Variants in COL6A2 observed in about 807,000 individuals in gnomAD.
COL6A2 encodes collagen type VI alpha 2 chain, also known as collagen alpha-2(VI) chain.
Under a neutral mutation model 124.9 loss-of-function variants are expected in COL6A2, and 90 were observed. That is an observed-to-expected ratio of 0.72 (90% CI 0.61 to 0.86). The LOEUF is 0.86. Ranked by LOEUF, COL6A2 falls within the 40% of genes least tolerant of loss-of-function variation. The pLI is 0.00. For missense variants in COL6A2, 1,607 were observed against 1,502.5 expected (o/e 1.07, Z -1.15); for synonymous variants, 793 against 618.2 (o/e 1.28, Z -4.19).
At chr21:46,112,647 C>T (rs1302643054) in intron 3 of COL6A2, 70 bp downstream of exon 3, 1 of 1,592,690 alleles carries the variant, frequency 6.3e-7, no homozygotes, top group Admixed American at 1.7e-5. Flanking sequence ...CCACTCCGGG[C>T]CTCACTTTAC....
At chr21:46,107,952 T>C (rs2078352467) in intron 1 of COL6A2, among the ~76,000 whole-genome samples, 1 of 152,226 alleles carries the variant, frequency 6.6e-6, no homozygotes, top group African/African-American at 2.4e-5. Context: ...TGGCCACTCA[T>C]ATTTGGCTCA....
rs560146338 is a variant in COL6A2 at position 46,125,880 on chromosome 21, G to A, written c.2065G>A (p.Glu689Lys). The A allele has an allele frequency of 1.8e-5, 29 of 1,613,140 alleles. No homozygotes were observed. In the South Asian group the frequency reaches 2.2e-4, roughly 12 times the overall value. Reference protein sequence around the residue: ...ERIDSLSSFKEAVKNLEWIAG... With the variant: ...ERIDSLSSFKKAVKNLEWIAG... ...TATCGACTCCCTGTCGAGCTTCAAG[G>A]AGGCTGTCAAGAACCTCGAGTGGAT... Residue 689 changes from glutamate (E) to lysine (K), a missense_variant, in exon 26 of 28, where the codon GAG becomes AAG. Physicochemically the swap from Glu to Lys is moderately conservative, Grantham distance 56. Around this residue, in one of 3 missense-constraint regions of COL6A2, gnomAD observed 1,223 missense variants for 1,052.2 expected, o/e 1.16. Coordinates refer to ENST00000300527, the MANE Select transcript of COL6A2 (RefSeq NM_001849.4).
In COL6A2 at chr21:46,132,192, C is replaced by T. The variant is rs1261221068; in HGVS notation, c.2700C>T (p.Ala900=). 6.3e-7 allele frequency: 1 copy of T among 1,577,622 alleles called. No individual in the cohort carries two copies. The highest frequency in any genetic ancestry group is 8.6e-7 in the Non-Finnish European group (1 of 1,162,946). Residue 900 remains alanine, a synonymous_variant, in exon 28 of 28, where the codon GCC becomes GCT. Coordinates refer to ENST00000300527, the MANE Select transcript of COL6A2 (RefSeq NM_001849.4). The part of the protein sequence containing the change: ...VAFPLSHNLT[A]IHEALETTQY... ...TCCCGCTGAGCCACAACCTCACGGC[C>T]ATCCACGAGGCGCTGGAGACCACAC...
Position 46,122,908 on chromosome 21 carries a change from C to A in COL6A2, c.1642C>A (p.Pro548Thr), listed in dbSNP as rs768102862. The A allele has an allele frequency of 6.2e-6, 10 of 1,613,160 alleles. No individual in the cohort carries two copies. The African/African-American group carries it at 9.3e-5, about 15-fold the overall frequency. ...GRGDFGLKGEPGRKGEKGEPA... is the reference protein window; with the variant it reads ...GRGDFGLKGETGRKGEKGEPA... ...AGGCGACTTTGGCTTGAAAGGAGAA[C>A]CTGGGAGGAAAGGAGAGAAAGGAGA... Residue 548 changes from proline (P) to threonine (T), a missense_variant, in exon 21 of 28, where the codon CCT becomes ACT. This residue lies in a region of COL6A2 where 1,223 missense variants were observed against 1,052.2 expected (regional missense o/e 1.16). Coordinates refer to ENST00000300527, the MANE Select transcript of COL6A2 (RefSeq NM_001849.4).
At position 46,119,598 on chromosome 21, in the gene COL6A2, G is replaced by A. The variant is rs147613619; in HGVS notation, c.1270-190G>A. 4.8e-3 allele frequency among the ~76,000 whole-genome samples: 727 copies of A among 152,322 alleles called. 6 individuals carry two copies. Among genetic ancestry groups the A allele is most frequent in the African/African-American group, 0.017 (686 of 41,562 alleles). ...GGCGGGACCGACGCAGCAGAGGGAC[G>A]AGGGCTGGCAGCAGAGCCACTGGCG... On this transcript the variant is annotated intron_variant, in intron 14 of 27. Coordinates refer to ENST00000300527, the MANE Select transcript of COL6A2 (RefSeq NM_001849.4).
chr21:46,129,885 T>G, intron 27 of COL6A2: 1 of 1,011,178 alleles, frequency 9.9e-7, no homozygotes, highest in East Asian at 9.6e-5. Context: ...TGGAGGCCCT[T>G]ACTTAGCGGC....
At chr21:46,112,635 A>G (rs1252567444) in intron 3 of COL6A2, 58 bp downstream of exon 3, 2 of 1,598,894 alleles carry the variant, frequency 1.3e-6, no homozygotes, top group Non-Finnish European at 1.7e-6. Flanking sequence ...TGGGCCGTCC[A>G]CCCACTCCGG....
Position 46,132,409 on chromosome 21 carries a change from G to A in COL6A2, c.2917G>A (p.Val973Met), listed in dbSNP as rs145959270. The A allele has an allele frequency of 1.9e-4, 308 of 1,608,244 alleles. No individual in the cohort carries two copies. Among genetic ancestry groups the A allele is most frequent in the East Asian group, 2.7e-4 (12 of 44,782 alleles). The change falls in exon 28 of 28, where the codon GTG (valine) becomes ATG (methionine). Residue 973 changes from valine (V) to methionine (M), a missense_variant. Physicochemically the swap from Val to Met is conservative, Grantham distance 21. Transcript: ENST00000300527. ...GCGCAAGCAGAACGTGGTACCCACC[G>A]TGCTGGCCTTGGGCAGCGACGTGGA... ...SMRKQNVVPTVLALGSDVDMD... is the reference protein window; with the variant it reads ...SMRKQNVVPTMLALGSDVDMD...
chr21:46,129,117 C>G, intron 27 of COL6A2: 1 of 1,607,100 alleles, frequency 6.2e-7, no homozygotes, highest in Non-Finnish European at 8.5e-7. Context: ...TCTGGCCTCG[C>G]TGAGCGGCTG....
At chr21:46,123,761 TGGGGGG>T (rs2078607041) in intron 21 of COL6A2, among the ~76,000 whole-genome samples, 1 of 127,900 alleles carries the variant, frequency 7.8e-6, no homozygotes, top group Non-Finnish European at 1.8e-5. Flanking sequence ...AATGGATGAG[TGGGGGG>T]ATGGATGGGT....
chr21:46,126,544 A>G lies in COL6A2; in HGVS notation c.2461+3A>G. 1.2e-6 allele frequency: 2 copies of G among 1,613,426 alleles called. No individual in the cohort carries two copies. Among genetic ancestry groups the G allele is most frequent in the Non-Finnish European group, 1.7e-6 (2 of 1,179,904 alleles). The stretch of plus-strand genomic sequence containing the variant: ...CCCAGACCTTCCCTGCCAAACAGGT[A>G]ATGCAGGGCACCCTGAGCCACCACC... On this transcript the variant is annotated splice_donor_region_variant and intron_variant, in intron 27 of 27. Coordinates refer to ENST00000300527, the MANE Select transcript of COL6A2 (RefSeq NM_001849.4).
At chr21:46,128,995 AGCTTCCTGTCCCTGT>A in intron 27 of COL6A2, 1 of 1,605,390 alleles carries the variant, frequency 6.2e-7, no homozygotes, top group African/African-American at 1.4e-5. Context: ...GCTCCCTGCC[AGCTTCCTGTCCCTGT>A]GCTCACTGCC....
chr21:46,128,973 G>A, intron 27 of COL6A2: 1 of 1,609,364 alleles, frequency 6.2e-7, no homozygotes, highest in Non-Finnish European at 8.5e-7. Context: ...GTGCCACCGT[G>A]CGGGTCTCCT....
At chr21:46,121,720 G>A in intron 18 of COL6A2, 102 bp downstream of exon 18, 3 of 1,170,626 alleles carry the variant, frequency 2.6e-6, no homozygotes, top group Non-Finnish European at 1.3e-6. Context: ...CGGCAGACGT[G>A]CCTCAGGACG....
Position 46,126,561 on chromosome 21 carries a change from G to C in COL6A2, c.2461+20G>C. 2 of 1,613,326 alleles carry C rather than the reference G, an allele frequency of 1.2e-6. No individual in the cohort carries two copies. Among genetic ancestry groups the C allele is most frequent in the Non-Finnish European group, 1.7e-6 (2 of 1,179,926 alleles). On this transcript the variant is annotated intron_variant, in intron 27 of 27. Transcript: ENST00000300527. ...AAACAGGTAATGCAGGGCACCCTGA[G>C]CCACCACCCCAGACTAGCAAAGCAG...
At chr21:46,117,737 C>G in intron 11 of COL6A2, 137 bp from the exon 12 acceptor site, 4 of 882,882 alleles carry the variant, frequency 4.5e-6, no homozygotes, top group Admixed American at 4.7e-5. Context: ...GGCCTGGCCT[C>G]TTGGTCACTG....
chr21:46,105,380 T>TG (rs2078325986), intron 1 of COL6A2, among the ~76,000 whole-genome samples: 1 of 152,122 alleles, frequency 6.6e-6, no homozygotes, highest in South Asian at 2.1e-4. Context: ...AGCAAGACCT[T>TG]ATCTCAAAAT....
chr21:46,125,391 G>T (rs1043261357), intron 24 of COL6A2, 74 bp from the exon 25 acceptor site: 90 of 1,606,394 alleles, frequency 5.6e-5, no homozygotes, highest in Non-Finnish European at 7.7e-5. Flanking sequence ...GTCATCGCTG[G>T]GTCCTGCATG....
At position 46,117,856 on chromosome 21, in the gene COL6A2, C is replaced by T. The variant is rs770428180; in HGVS notation, c.1054-18C>T. 2 of 1,606,922 alleles carry T rather than the reference C, an allele frequency of 1.2e-6. No homozygotes were observed. Among genetic ancestry groups the T allele is most frequent in the Admixed American group, 1.7e-5 (1 of 59,124 alleles). ...CCACCCGCCGTGTGCCGAGCTCCAC[C>T]TCTCACTCCTCTCTCAGGGCCCCGA... is the stretch of plus-strand genomic sequence containing the variant. On this transcript the variant is annotated intron_variant, in intron 11 of 27. Transcript: ENST00000300527.
Sources: gnomAD v4.1 joint callset for allele counts (sites outside exome capture counted in the v4.1 genomes callset) on GRCh38, gnomAD v4.1.1 for gene constraint, gnomAD v4.1.1 regional missense constraint, MANE v1.5 for transcripts, NCBI Gene and HGNC (gene_info 2026-07-23, HGNC 2026-07-21) for gene names.